Variants in TMX4 observed in about 807,000 individuals in gnomAD.
TMX4 encodes thioredoxin related transmembrane protein 4.
TMX4 carries 23 observed loss-of-function variants against 33.3 expected under a neutral mutation model. That is an observed-to-expected ratio of 0.69 (90% CI 0.50 to 0.98). The LOEUF (loss-of-function observed/expected upper bound fraction) is 0.98, where lower values mean the gene tolerates loss of function less well. Among genes scored for constraint, TMX4 ranks in the 50% least tolerant of loss-of-function variants. The pLI is 0.00. For synonymous variants in TMX4, 164 were observed against 161.5 expected, an observed-to-expected ratio of 1.02 and a Z score of -0.12; for missense variants, 399 against 448.9, an observed-to-expected ratio of 0.89 and a Z score of 1.01.
rs1305977358 is a variant in TMX4 at position 7,977,957 on chromosome 20, G to C, written c.*4294C>G. The C allele has an allele frequency of 6.6e-6, 1 of 152,168 alleles. No individual in the cohort carries two copies. Among genetic ancestry groups the C allele is most frequent in the Admixed American group, 6.5e-5 (1 of 15,276 alleles). 9.4% of individuals were successfully genotyped at this position (152,168 alleles called of 1,614,324 possible). ...TTACTTCCAGAAAGCTGTTCAAAAA[G>C]CTGCCCCATCAGGTTCAGCAGGCTT... On this transcript the variant is annotated 3_prime_UTR_variant, in exon 8 of 8. Transcript: ENST00000246024.
Position 7,980,894 on chromosome 20 carries a change from G to A in TMX4, c.*1357C>T, listed in dbSNP as rs1244880628. On this transcript the variant is annotated 3_prime_UTR_variant, in exon 8 of 8. Coordinates refer to ENST00000246024, the MANE Select transcript of TMX4 (RefSeq NM_021156.4). ...AATATACTGCACGTTCCTTTTTAAA[G>A]ACGACAGAAACTTTTAGAATTTCAT... 6.6e-6 allele frequency: 1 copy of A among 152,190 alleles called. No individual in the cohort carries two copies. The allele number at this position is 152,190 out of a possible 1,614,324, so 9.4% of individuals were successfully genotyped here. A position where few individuals can be genotyped will look rare whatever the true frequency, so the allele number is the denominator to read the frequency against.
Position 7,996,055 on chromosome 20 carries a change from C to G in TMX4, c.484G>C (p.Gly162Arg), listed in dbSNP as rs1463506370. 3.7e-6 allele frequency: 6 copies of G among 1,610,556 alleles called. No homozygotes were observed. The highest frequency in any genetic ancestry group is 5.1e-6 in the Non-Finnish European group (6 of 1,178,274). Residue 162 changes from glycine to arginine, a missense_variant, in exon 5 of 8, where the codon GGT becomes CGT. Gly to Arg is a moderately radical substitution (Grantham distance 125). Transcript: ENST00000246024. ...ATCTTGCCAGAGATGCTAAAAAGAC[C>G]AGCCATTCCAGACATCCTTAAAAAA... ...PASLTMSGMA[G>R]LFSISGKIWH...
chr20:8,018,479 G>GGGGA (rs1568541255), intron 1 of TMX4, among the ~76,000 whole-genome samples: 1 of 33,656 alleles, frequency 3.0e-5, no homozygotes, highest in Non-Finnish European at 5.0e-5. Flanking sequence ...AGGGAGGGAG[G>GGGGA]GGGAGAGAGA....
chr20:8,018,492 G>A lies in TMX4; in HGVS notation c.176+946C>T, dbSNP rs1285784487. On this transcript the variant is annotated intron_variant, in intron 1 of 7. Transcript: ENST00000246024. ...GGAGGGAGGGAGGGGGAGAGAGAGA[G>A]AGAGAGAGAGAGAGAGAGAGAGAGA... 9.2e-5 allele frequency among the ~76,000 whole-genome samples: 5 copies of A among 54,100 alleles called. 1 individual carries two copies. Among genetic ancestry groups the A allele is most frequent in the African/African-American group, 8.2e-4 (5 of 6,062 alleles). 35.5% of individuals were successfully genotyped at this position (54,100 alleles called of 152,430 possible).
chr20:8,013,237 T>C lies in TMX4; in HGVS notation c.177-2922A>G, dbSNP rs148586104. ...CTTCATTAAATTTATTTCAAACTAG[T>C]TCACACTGGCAATCTTCTCCTAAGA... is the stretch of plus-strand genomic sequence containing the variant. On this transcript the variant is annotated intron_variant, in intron 1 of 7. Coordinates refer to ENST00000246024, the MANE Select transcript of TMX4 (RefSeq NM_021156.4). Among the ~76,000 whole-genome samples the C allele has an allele frequency of 9.0e-3, 1,371 of 152,232 alleles. 17 individuals are homozygous for C. Among genetic ancestry groups the C allele is most frequent in the African/African-American group, 0.031 (1,293 of 41,544 alleles).
At chr20:8,005,258 G>T (rs934952432) in intron 2 of TMX4, among the ~76,000 whole-genome samples, 4 of 152,116 alleles carry the variant, frequency 2.6e-5, no homozygotes, top group African/African-American at 9.7e-5. Context: ...CATCTGCATG[G>T]AACAGAAGGT....
intron 5 of TMX4, among the ~76,000 whole-genome samples, chr20:7,992,265 T>C (rs1008604768): frequency 6.6e-6 from 1 of 152,212 alleles, no homozygotes; most frequent in African/African-American, 2.4e-5. Context: ...TAGGCCTCAG[T>C]GACTCCATCT....
In TMX4 at chr20:7,982,577, G is replaced by C; in HGVS notation, c.724C>G (p.Gln242Glu). ...SEEAHRAEQL[Q>E]DAEEEKDDSN... is the part of the protein sequence containing the mutation. The stretch of plus-strand genomic sequence containing the variant: ...TCATCTTTTTCCTCCTCCGCATCCT[G>C]CAACTGTTCAGCTCTATGAGCCTCC... The change falls in exon 8 of 8, where the codon CAG becomes GAG. Residue 242 changes from glutamine (Q) to glutamate (E), a missense_variant. Coordinates refer to ENST00000246024, the MANE Select transcript of TMX4 (RefSeq NM_021156.4). 1 of 1,613,532 alleles carries C rather than the reference G, an allele frequency of 6.2e-7. No homozygotes were observed. The highest frequency in any genetic ancestry group is 8.5e-7 in the Non-Finnish European group (1 of 1,179,974).
At chr20:7,990,479 T>G (rs1296889196) in intron 5 of TMX4, among the ~76,000 whole-genome samples, 1 of 152,172 alleles carries the variant, frequency 6.6e-6, no homozygotes, top group Non-Finnish European at 1.5e-5. Flanking sequence ...AGCATTCTAA[T>G]CAGTGGTCAG....
intron 1 of TMX4, among the ~76,000 whole-genome samples, chr20:8,015,846 T>C (rs975771713): frequency 2.0e-5 from 3 of 152,134 alleles, no homozygotes; most frequent in Admixed American, 1.3e-4. Context: ...ACATGATCAT[T>C]CCAAAAACAA....
intron 5 of TMX4, among the ~76,000 whole-genome samples, chr20:7,995,448 T>C (rs1431233907): frequency 6.6e-6 from 1 of 152,176 alleles, no homozygotes; most frequent in East Asian, 1.9e-4. Context: ...AGAGAAATTA[T>C]ACGATCACAT....
At position 7,996,065 on chromosome 20, in the gene TMX4, A is replaced by G. The variant is rs1568535673; in HGVS notation, c.474T>C (p.Ser158=). ...GWKSPASLTM[S]GMAGLFSISG... is the part of the protein sequence containing the mutation. The stretch of plus-strand genomic sequence containing the variant: ...AGATGCTAAAAAGACCAGCCATTCC[A>G]GACATCCTTAAAAAAAAATAAAGAG... Residue 158 remains serine (S), a synonymous_variant, in exon 5 of 8, where the codon TCT becomes TCC. Coordinates refer to ENST00000246024, the MANE Select transcript of TMX4 (RefSeq NM_021156.4). The G allele has an allele frequency of 6.2e-7, 1 of 1,610,720 alleles. No homozygotes were observed. The highest frequency in any genetic ancestry group is 1.7e-5 in the Admixed American group (1 of 59,666).
At chr20:7,990,183 T>C (rs2122857043) in intron 5 of TMX4, among the ~76,000 whole-genome samples, 1 of 151,982 alleles carries the variant, frequency 6.6e-6, no homozygotes, top group East Asian at 1.9e-4. Context: ...TAGTCCCAGC[T>C]ATTTGGGAGA....
At chr20:7,986,136 T>C (rs1331637826) in intron 6 of TMX4, among the ~76,000 whole-genome samples, 1 of 152,140 alleles carries the variant, frequency 6.6e-6, no homozygotes, top group African/African-American at 2.4e-5. Context: ...ATATCCGGTG[T>C]CAAATCCCTT....
At chr20:8,005,611 T>C (rs1426138518) in intron 2 of TMX4, among the ~76,000 whole-genome samples, 1 of 152,102 alleles carries the variant, frequency 6.6e-6, no homozygotes, top group Non-Finnish European at 1.5e-5. Flanking sequence ...TCCCATCCTG[T>C]GCATATATAA....
Position 7,991,469 on chromosome 20 carries a change from C to G in TMX4, c.514-4080G>C, listed in dbSNP as rs145553358. 3.1e-3 allele frequency among the ~76,000 whole-genome samples: 472 copies of G among 152,294 alleles called. 2 individuals carry two copies. The highest frequency in any genetic ancestry group is 0.011 in the African/African-American group (454 of 41,578). ...CATTACACTTACCAGGTGAACATCACAAATCCAAAAATCGGAAATTCAAAA... is the reference window on the plus strand; with the variant it reads ...CATTACACTTACCAGGTGAACATCAGAAATCCAAAAATCGGAAATTCAAAA... On this transcript the variant is annotated intron_variant, in intron 5 of 7. Coordinates refer to ENST00000246024, the MANE Select transcript of TMX4 (RefSeq NM_021156.4).
At chr20:8,014,170 C>T (rs905764070) in intron 1 of TMX4, among the ~76,000 whole-genome samples, 3 of 152,168 alleles carry the variant, frequency 2.0e-5, no homozygotes, top group African/African-American at 7.2e-5. Flanking sequence ...ACTGGCAGCT[C>T]TATGAAAATC....
chr20:7,985,476 T>C (rs1204404334), intron 6 of TMX4, among the ~76,000 whole-genome samples: 1 of 151,800 alleles, frequency 6.6e-6, no homozygotes, highest in Non-Finnish European at 1.5e-5. Flanking sequence ...TTTTACCATG[T>C]TGCCAAGGCT....
chr20:7,987,415 A>C (rs773015803), intron 5 of TMX4, 26 bp from the exon 6 acceptor site: 13 of 1,523,432 alleles, frequency 8.5e-6, no homozygotes. Context: ...AAAAAATAAA[A>C]CATTAATTTT....
Sources: allele counts gnomAD v4.1 joint callset (sites outside exome capture counted in the v4.1 genomes callset), GRCh38; gene constraint gnomAD v4.1.1; transcripts MANE v1.5; gene names NCBI Gene and HGNC (gene_info 2026-07-23, HGNC 2026-07-21).